TMCC1: variants seen among roughly 807,000 people sequenced by gnomAD.
TMCC1 encodes transmembrane and coiled-coil domains protein 1.
In TMCC1, 15 loss-of-function variants were observed where a neutral mutation model predicts 52.4. The ratio of observed to expected loss-of-function variants is 0.29; its 90% CI spans 0.19 to 0.44. The LOEUF (loss-of-function observed/expected upper bound fraction) is 0.44. Among genes scored for constraint, TMCC1 ranks in the 20% least tolerant of loss-of-function variants. TMCC1 has a pLI of 1.00. For synonymous variants in TMCC1, 279 were observed against 301.9 expected, an observed-to-expected ratio of 0.92 and a Z score of 0.79; for missense variants, 503 against 806.0, an observed-to-expected ratio of 0.62 and a Z score of 4.55.
intron 2 of TMCC1, among the ~76,000 whole-genome samples, chr3:129,874,233 A>G (rs2061075216): frequency 6.6e-6 from 1 of 152,230 alleles, no homozygotes; most frequent in Non-Finnish European, 1.5e-5. Flanking sequence ...CATATTACAC[A>G]TAAGAGAATT....
chr3:129,771,865 A>G (rs917883697), intron 4 of TMCC1, among the ~76,000 whole-genome samples: 4 of 151,776 alleles, frequency 2.6e-5, no homozygotes, highest in African/African-American at 9.7e-5. Flanking sequence ...GGGAAAGCTG[A>G]AGATGGAGAA....
At chr3:129,734,610 A>G (rs1052521884) in intron 4 of TMCC1, among the ~76,000 whole-genome samples, 1 of 152,070 alleles carries the variant, frequency 6.6e-6, no homozygotes, top group Non-Finnish European at 1.5e-5. Context: ...TTGAGCCCAG[A>G]AGGCAGAGGC....
At chr3:129,780,210 A>T (rs968057723) in intron 4 of TMCC1, among the ~76,000 whole-genome samples, 9 of 152,132 alleles carry the variant, frequency 5.9e-5, no homozygotes, top group Non-Finnish European at 1.2e-4. Flanking sequence ...GTCTGCAGGA[A>T]ATTTAGGTTC....
At chr3:129,680,554 A>G (rs371545417) in intron 4 of TMCC1, among the ~76,000 whole-genome samples, 2 of 152,206 alleles carry the variant, frequency 1.3e-5, no homozygotes, top group African/African-American at 2.4e-5. Context: ...GTCATAAGTC[A>G]TAACCACTAC....
At chr3:129,761,296 C>T (rs1162797614) in intron 4 of TMCC1, among the ~76,000 whole-genome samples, 1 of 148,786 alleles carries the variant, frequency 6.7e-6, no homozygotes, top group African/African-American at 2.5e-5. Flanking sequence ...CCACTGCACT[C>T]CAGCCTGGGC....
At chr3:129,656,075 AC>A (rs1015045845) in intron 5 of TMCC1, among the ~76,000 whole-genome samples, 3 of 152,250 alleles carry the variant, frequency 2.0e-5, no homozygotes, top group Non-Finnish European at 4.4e-5. Context: ...CCCAAAGAAG[AC>A]TACTGAGCAG....
intron 2 of TMCC1, among the ~76,000 whole-genome samples, chr3:129,857,560 T>A (rs1049834476): frequency 2.0e-5 from 3 of 152,164 alleles, no homozygotes; most frequent in East Asian, 1.9e-4. Flanking sequence ...ACTTTTTTTT[T>A]AATATTTTTT....
chr3:129,709,528 A>C (rs1475352748), intron 4 of TMCC1, among the ~76,000 whole-genome samples: 1 of 150,688 alleles, frequency 6.6e-6, no homozygotes, highest in South Asian at 2.1e-4. Flanking sequence ...TAAATCATCA[A>C]GGCTAACACC....
At chr3:129,837,686 C>T (rs548582681) in intron 2 of TMCC1, among the ~76,000 whole-genome samples, 1 of 152,152 alleles carries the variant, frequency 6.6e-6, no homozygotes, top group East Asian at 1.9e-4. Flanking sequence ...ATTATCAGAG[C>T]CAGACCCACG....
intron 4 of TMCC1, among the ~76,000 whole-genome samples, chr3:129,753,732 G>A (rs1468702822): frequency 6.6e-6 from 1 of 152,022 alleles, no homozygotes; most frequent in Non-Finnish European, 1.5e-5. Flanking sequence ...AAAACCTATA[G>A]CTGACATCAC....
chr3:129,723,672 G>A (rs2049838211), intron 4 of TMCC1, among the ~76,000 whole-genome samples: 1 of 152,174 alleles, frequency 6.6e-6, no homozygotes, highest in Non-Finnish European at 1.5e-5. Flanking sequence ...CAGCTACAGA[G>A]CACCCTCTAC....
At chr3:129,858,356 C>G (rs804363) in intron 2 of TMCC1, among the ~76,000 whole-genome samples, 149,961 of 152,298 alleles carry the variant, frequency 0.98, 73,878 homozygotes, top group East Asian at 1. Context: ...ATCATTTCTA[C>G]TATAATTTCC....
chr3:129,873,057 C>G (rs980624502), intron 2 of TMCC1, among the ~76,000 whole-genome samples: 1 of 151,862 alleles, frequency 6.6e-6, no homozygotes, highest in African/African-American at 2.4e-5. Flanking sequence ...CCCCCCACCA[C>G]GCTTGGCTAG....
chr3:129,827,600 T>TA (rs1241738901), intron 4 of TMCC1, among the ~76,000 whole-genome samples: 1 of 152,174 alleles, frequency 6.6e-6, no homozygotes, highest in Non-Finnish European at 1.5e-5. Flanking sequence ...TAGCACTATG[T>TA]TAGGAAGGAA....
chr3:129,758,501 A>C (rs2053212722), intron 4 of TMCC1, among the ~76,000 whole-genome samples: 1 of 152,232 alleles, frequency 6.6e-6, no homozygotes, highest in African/African-American at 2.4e-5. Flanking sequence ...CTTGGTTGCT[A>C]AATCCAATAA....
In TMCC1 at chr3:129,827,734, G is replaced by A. The variant is rs1186792658; in HGVS notation, c.576+69C>T. On this transcript the variant is annotated intron_variant, in intron 4 of 6. Coordinates refer to ENST00000393238, the MANE Select transcript of TMCC1 (RefSeq NM_001017395.5). ...CTGAGATATCTTTTTAGTTACCAAA[G>A]GAAAGTCTGGAGAGTCCTAGGTATG... 2.0e-6 allele frequency: 3 copies of A among 1,513,254 alleles called. No individual in the cohort carries two copies. The African/African-American group carries it at 4.2e-5, about 21-fold the overall frequency. The allele number at this position is 1,513,254 out of a possible 1,614,324, so 93.7% of individuals were successfully genotyped here.
intron 4 of TMCC1, among the ~76,000 whole-genome samples, chr3:129,770,752 T>C (rs2054506287): frequency 6.6e-6 from 1 of 152,190 alleles, no homozygotes; most frequent in Non-Finnish European, 1.5e-5. Context: ...CTGGAGAGTG[T>C]GGAAATTTCC....
At chr3:129,887,875 A>T (rs1405312181) in intron 1 of TMCC1, among the ~76,000 whole-genome samples, 1 of 152,174 alleles carries the variant, frequency 6.6e-6, no homozygotes, top group African/African-American at 2.4e-5. Context: ...CAAAGAATAA[A>T]CTTTAATGTG....
At position 129,648,159 on chromosome 3, in the gene TMCC1, A is replaced by T. The variant is rs1424793872; in HGVS notation, c.*3322T>A. ...ATAATTTTGCCTGTGTCAGATTACA[A>T]TAATGTTTGGTTTTGTTTTAGTTGC... is the stretch of plus-strand genomic sequence containing the variant. On this transcript the variant is annotated 3_prime_UTR_variant, in exon 7 of 7. Transcript: ENST00000393238. The T allele has an allele frequency of 1.3e-5, 2 of 152,344 alleles. No individual in the cohort carries two copies. The highest frequency in any genetic ancestry group is 2.9e-5 in the Non-Finnish European group (2 of 68,040). 9.4% of individuals were successfully genotyped at this position (152,344 alleles called of 1,614,324 possible).
Sources: gnomAD v4.1 joint callset for allele counts (sites outside exome capture counted in the v4.1 genomes callset) on GRCh38, gnomAD v4.1.1 for gene constraint, MANE v1.5 for transcripts, NCBI Gene and HGNC (gene_info 2026-07-23, HGNC 2026-07-21) for gene names.